Variants in ZNF821 observed in about 807,000 individuals in gnomAD.
The protein encoded by ZNF821 is zinc finger protein 821.
Under a neutral mutation model 44.3 loss-of-function variants are expected in ZNF821, and 16 were observed. That is an observed-to-expected ratio of 0.36 (90% confidence interval 0.24 to 0.55). The LOEUF (loss-of-function observed/expected upper bound fraction) is 0.55. Among genes scored for constraint, ZNF821 ranks in the 20% least tolerant of loss-of-function variants. ZNF821 has a pLI of 0.86. For synonymous variants in ZNF821, 204 were observed against 197.6 expected (o/e 1.03, Z -0.27); for missense variants, 436 against 547.6 (o/e 0.80, Z 2.03).
intron 3 of ZNF821, among the ~76,000 whole-genome samples, chr16:71,876,004 C>G (rs1471521814): frequency 6.6e-6 from 1 of 152,222 alleles, no homozygotes; most frequent in Non-Finnish European, 1.5e-5. Context: ...ATTGGCCACA[C>G]AAGCCTGAAG....
At chr16:71,881,153 A>C (rs552188105) in intron 2 of ZNF821, among the ~76,000 whole-genome samples, 12 of 152,336 alleles carry the variant, frequency 7.9e-5, no homozygotes, top group African/African-American at 2.2e-4. Context: ...TTGAATAAGC[A>C]AACATAAAAT....
At chr16:71,880,372 C>G (rs970853402) in intron 2 of ZNF821, 1 of 155,144 alleles carries the variant, frequency 6.4e-6, no homozygotes, top group South Asian at 2.1e-4. Flanking sequence ...GGGATAACTC[C>G]GATGAATTGC....
At chr16:71,893,480 G>A (rs535008628) in intron 1 of ZNF821, among the ~76,000 whole-genome samples, 126 of 146,854 alleles carry the variant, frequency 8.6e-4, no homozygotes, top group African/African-American at 3.0e-3. Flanking sequence ...TTTTTTTTGG[G>A]ACAGGGTCTC....
chr16:71,863,292 G>GA (rs905779339), intron 6 of ZNF821, among the ~76,000 whole-genome samples: 23 of 149,918 alleles, frequency 1.5e-4, no homozygotes, highest in Non-Finnish European at 2.5e-4. Flanking sequence ...AAATAATTTA[G>GA]AAAAAAAATC....
chr16:71,868,968 G>GA (rs1555502006), intron 3 of ZNF821, among the ~76,000 whole-genome samples: 1 of 150,806 alleles, frequency 6.6e-6, no homozygotes. Context: ...GGCCAGTCCA[G>GA]TTTTTTTTTA....
chr16:71,895,085 T>G (rs2036934177), exon 1 of ZNF821: 1 of 403,048 alleles, frequency 2.5e-6, no homozygotes, highest in Admixed American at 4.3e-5. Context: ...CGAAACCCCC[T>G]CGGCCGCTCC....
chr16:71,892,430 C>G (rs1334001024), intron 1 of ZNF821, among the ~76,000 whole-genome samples: 1 of 150,154 alleles, frequency 6.7e-6, no homozygotes, highest in Non-Finnish European at 1.5e-5. Flanking sequence ...CCAAGCCCGG[C>G]TAATTTTTTT....
intron 4 of ZNF821, among the ~76,000 whole-genome samples, chr16:71,867,406 G>A (rs1221713558): frequency 6.6e-6 from 1 of 152,080 alleles, no homozygotes; most frequent in African/African-American, 2.4e-5. Context: ...ATATATATCG[G>A]CCAGGTGCAG....
chr16:71,867,399 T>C (rs1395549569), intron 4 of ZNF821, among the ~76,000 whole-genome samples: 4 of 152,132 alleles, frequency 2.6e-5, no homozygotes, highest in African/African-American at 9.7e-5. Context: ...TAAAAATATA[T>C]ATATCGGCCA....
intron 4 of ZNF821, among the ~76,000 whole-genome samples, chr16:71,866,569 T>C (rs1388404077): frequency 6.6e-6 from 1 of 152,070 alleles, no homozygotes; most frequent in Non-Finnish European, 1.5e-5. Flanking sequence ...ATATCAAACA[T>C]ATTTTTGTAA....
intron 5 of ZNF821, 34 bp downstream of exon 5, chr16:71,864,869 G>A (rs964064241): frequency 3.1e-6 from 5 of 1,612,734 alleles, no homozygotes; most frequent in Non-Finnish European, 4.2e-6. Flanking sequence ...GTAGGGCATT[G>A]CTGGACCTGG....
chr16:71,875,369 C>T (rs2035684757), intron 3 of ZNF821, among the ~76,000 whole-genome samples: 2 of 152,112 alleles, frequency 1.3e-5, no homozygotes, highest in South Asian at 4.1e-4. Flanking sequence ...GCAACCTCTG[C>T]TTCCCAGGCT....
chr16:71,886,424 A>T (rs1023432404), upstream of ZNF821, among the ~76,000 whole-genome samples: 1 of 152,194 alleles, frequency 6.6e-6, no homozygotes, highest in Non-Finnish European at 1.5e-5. Context: ...AACTTGTTCT[A>T]CATCTAGAAG....
In ZNF821 at chr16:71,870,455, T is replaced by C. The variant is rs867549507; in HGVS notation, c.41-2418A>G. On this transcript the variant is annotated intron_variant, in intron 3 of 7. Transcript: ENST00000425432. ...CTTAATTTCTCCATGCTGGTTACAC[T>C]GCACCAGGACCAGGGCCAATTGGTA... is the stretch of plus-strand genomic sequence containing the variant. Among the ~76,000 whole-genome samples the C allele has an allele frequency of 2.7e-5, 4 of 150,188 alleles. No homozygotes were observed. In the South Asian group the frequency reaches 8.4e-4, roughly 32 times the overall value.
intron 4 of ZNF821, among the ~76,000 whole-genome samples, chr16:71,865,780 C>A (rs1415316559): frequency 6.6e-6 from 1 of 152,010 alleles, no homozygotes; most frequent in East Asian, 1.9e-4. Flanking sequence ...AATGGGTAAC[C>A]GAATGCATTA....
At chr16:71,882,657 T>C (rs1597210977) in intron 2 of ZNF821, among the ~76,000 whole-genome samples, 1 of 152,066 alleles carries the variant, frequency 6.6e-6, no homozygotes, top group African/African-American at 2.4e-5. Context: ...AAATAAGCAA[T>C]TACAGTCCCC....
chr16:71,892,535 T>C (rs1172353462), intron 1 of ZNF821, among the ~76,000 whole-genome samples: 1 of 151,134 alleles, frequency 6.6e-6, no homozygotes, highest in Non-Finnish European at 1.5e-5. Flanking sequence ...CCCAAAGTGC[T>C]GCGATTACAG....
At chr16:71,874,719 G>C (rs2035614096) in intron 3 of ZNF821, among the ~76,000 whole-genome samples, 1 of 152,154 alleles carries the variant, frequency 6.6e-6, no homozygotes, top group South Asian at 2.1e-4. Context: ...CTCCAAAAGT[G>C]CTGAGATGAC....
At position 71,860,166 on chromosome 16, in the gene ZNF821, C is replaced by T. The variant is rs1383773087; in HGVS notation, c.1091G>A (p.Arg364Gln). The change falls in exon 8 of 8, where the codon CGA becomes CAA. Residue 364 changes from arginine (R) to glutamine (Q), a missense_variant. Around this residue, in one of 5 missense-constraint regions of ZNF821, gnomAD observed 72 missense variants for 133.3 expected, o/e 0.54. Coordinates refer to ENST00000425432, the MANE Select transcript of ZNF821 (RefSeq NM_001201552.2). The surrounding 1 kb of genome is among the most constrained non-coding windows in gnomAD (Gnocchi z 7.3). ...RRLEKMDMML[R>Q]AQFGQDPSAM... ...AGAAGGGTCCTGGCCAAACTGAGCT[C>T]GCAACATCATGTCCATTTTCTCCAG... 7 of 1,614,094 alleles carry T rather than the reference C, an allele frequency of 4.3e-6. No individual in the cohort carries two copies. In the East Asian group the frequency reaches 6.7e-5, roughly 15 times the overall value.
Sources: gnomAD v4.1 joint callset for allele counts (sites outside exome capture counted in the v4.1 genomes callset) on GRCh38, gnomAD v4.1.1 for gene constraint, gnomAD v4.1.1 regional missense constraint, Gnocchi (gnomAD v3.1) non-coding constraint, MANE v1.5 for transcripts, NCBI Gene and HGNC (gene_info 2026-07-23, HGNC 2026-07-21) for gene names.